WASL: variants seen among roughly 807,000 people sequenced by gnomAD.
The protein encoded by WASL is WASP like actin nucleation promoting factor.
Under a neutral mutation model 55.5 loss-of-function variants are expected in WASL, and 20 were observed. That is an observed-to-expected ratio of 0.36 (90% CI 0.25 to 0.52). WASL has a LOEUF of 0.52. WASL is among the 20% of genes least tolerant of loss of function. WASL has a pLI of 0.92. For synonymous variants in WASL, 249 were observed against 217.6 expected (o/e 1.14, Z -1.27); for missense variants, 504 against 622.5 (o/e 0.81, Z 2.03).
At chr7:123,699,943 G>A (rs541255307) in intron 5 of WASL, among the ~76,000 whole-genome samples, 6 of 152,052 alleles carry the variant, frequency 3.9e-5, no homozygotes, top group South Asian at 4.1e-4. Flanking sequence ...TTGGGAGGCC[G>A]AGACGGGCGG....
At position 123,692,864 on chromosome 7, in the gene WASL, G is replaced by T. The variant is rs1803436647; in HGVS notation, c.830C>A (p.Pro277Gln). The change falls in exon 9 of 11, where the codon CCA becomes CAA. Residue 277 changes from proline (P) to glutamine (Q), a missense_variant. Physicochemically the swap from Pro to Gln is moderately conservative, Grantham distance 76. Around this residue, in one of 5 missense-constraint regions of WASL, gnomAD observed 201 missense variants for 206.2 expected, o/e 0.97. Transcript: ENST00000223023. ...TCCCCTTGATGGTGGTGGAGGTGGT[G>T]GTGCTGAAATGCAAACAGAAAAAAA... ...AVKNELRRQAPPPPPPSRGGP... is the reference protein window; with the variant it reads ...AVKNELRRQAQPPPPPSRGGP... The T allele has an allele frequency of 1.5e-6, 2 of 1,350,320 alleles. No homozygotes were observed. The highest frequency in any genetic ancestry group is 1.9e-6 in the Non-Finnish European group (2 of 1,046,534). 83.6% of individuals were successfully genotyped at this position (1,350,320 alleles called of 1,614,324 possible). A position where few individuals can be genotyped will look rare whatever the true frequency, so the allele number is the denominator to read the frequency against.
In WASL at chr7:123,689,088, T is replaced by C. The variant is rs1404929069; in HGVS notation, c.1410A>G (p.Ala470=). 4 of 1,611,610 alleles carry C rather than the reference T, an allele frequency of 2.5e-6. No individual in the cohort carries two copies. The highest frequency in any genetic ancestry group is 2.2e-5 in the East Asian group (1 of 44,696). The change falls in exon 10 of 11, where the codon GCA becomes GCG. Residue 470 remains alanine (A), a synonymous_variant. Coordinates refer to ENST00000223023, the MANE Select transcript of WASL (RefSeq NM_003941.4). ...TPAPTSGIVG[A]LMEVMQKRSK... is the part of the protein sequence containing the mutation. Reference sequence around the variant, plus strand: ...TCCTTTTCTGCATCACTTCCATTAATGCACCCACAATTCCTGAAGTGGGTG... The same window carrying C: ...TCCTTTTCTGCATCACTTCCATTAACGCACCCACAATTCCTGAAGTGGGTG...
chr7:123,694,437 A>G (rs1049481960), intron 8 of WASL, among the ~76,000 whole-genome samples: 1 of 152,214 alleles, frequency 6.6e-6, no homozygotes, highest in Non-Finnish European at 1.5e-5. Context: ...TTCCTTAAGT[A>G]TAACATTTAG....
At chr7:123,693,644 A>C (rs987467235) in intron 8 of WASL, among the ~76,000 whole-genome samples, 1 of 152,218 alleles carries the variant, frequency 6.6e-6, no homozygotes, top group African/African-American at 2.4e-5. Flanking sequence ...TTCTTATTCC[A>C]CATCAGTGAA....
intron 5 of WASL, among the ~76,000 whole-genome samples, chr7:123,702,874 C>A (rs1803614248): frequency 6.6e-6 from 1 of 152,126 alleles, no homozygotes; most frequent in East Asian, 1.9e-4. Context: ...GTATTTACAA[C>A]CTTAATTTTA....
At position 123,722,745 on chromosome 7, in the gene WASL, C is replaced by A. The variant is rs556700420; in HGVS notation, c.118-13522G>T. Among the ~76,000 whole-genome samples the A allele has an allele frequency of 5.3e-5, 8 of 152,200 alleles. No individual in the cohort carries two copies. The South Asian group carries it at 1.7e-3, about 32-fold the overall frequency. ...GCTTGAACCTGGGAGGCAGAGGTTG[C>A]AGTGAGCCAAGATCGCCACTGCACT... On this transcript the variant is annotated intron_variant, in intron 1 of 10. Transcript: ENST00000223023.
At chr7:123,747,742 C>A (rs1185285767) in intron 1 of WASL, among the ~76,000 whole-genome samples, 1 of 152,158 alleles carries the variant, frequency 6.6e-6, no homozygotes, top group Non-Finnish European at 1.5e-5. Context: ...CACCACAGAG[C>A]AGAACCTCCC....
intron 1 of WASL, among the ~76,000 whole-genome samples, chr7:123,742,350 ATGT>A: frequency 6.6e-6 from 1 of 152,336 alleles, no homozygotes; most frequent in Admixed American, 6.5e-5. Flanking sequence ...TAATTTCAGC[ATGT>A]TGTCCAGTGC....
At chr7:123,733,457 A>G (rs1251292489) in intron 1 of WASL, among the ~76,000 whole-genome samples, 1 of 152,184 alleles carries the variant, frequency 6.6e-6, no homozygotes, top group Non-Finnish European at 1.5e-5. Context: ...TAAGATCTAT[A>G]TGACTACAAA....
chr7:123,726,886 A>C (rs1489755005), intron 1 of WASL, among the ~76,000 whole-genome samples: 4 of 152,016 alleles, frequency 2.6e-5, no homozygotes, highest in Non-Finnish European at 5.9e-5. Flanking sequence ...AATAATAATA[A>C]TTAGGCAAGC....
rs1012382259 is a variant in WASL at position 123,702,052 on chromosome 7, C to T, written c.460+2582G>A. On this transcript the variant is annotated intron_variant, in intron 5 of 10. Coordinates refer to ENST00000223023, the MANE Select transcript of WASL (RefSeq NM_003941.4). ...ATGGCCAACTCATAGAAAGAAACTA[C>T]ATTTAATTCTTTTTTTTTTGAGACG... Among the ~76,000 whole-genome samples the T allele has an allele frequency of 5.3e-5, 8 of 151,812 alleles. No homozygotes were observed. The South Asian group carries it at 8.3e-4, about 16-fold the overall frequency.
At chr7:123,723,776 T>C (rs1457687233) in intron 1 of WASL, among the ~76,000 whole-genome samples, 2 of 152,230 alleles carry the variant, frequency 1.3e-5, no homozygotes. Flanking sequence ...CTTCCTGCTG[T>C]TCCTGAAACT....
intron 5 of WASL, among the ~76,000 whole-genome samples, chr7:123,697,282 C>T (rs1011173296): frequency 6.6e-6 from 1 of 152,034 alleles, no homozygotes; most frequent in Admixed American, 6.6e-5. Flanking sequence ...CCCACCAGTA[C>T]GCATACACCT....
chr7:123,705,108 T>G (rs1305966316), intron 4 of WASL, among the ~76,000 whole-genome samples: 4 of 152,100 alleles, frequency 2.6e-5, no homozygotes, highest in Admixed American at 1.3e-4. Flanking sequence ...AAGGATTGAG[T>G]AGCAGCAGGA....
chr7:123,692,154 T>C (rs1431219541), intron 9 of WASL, among the ~76,000 whole-genome samples, 193 bp downstream of exon 9: 2 of 152,192 alleles, frequency 1.3e-5, no homozygotes, highest in Non-Finnish European at 2.9e-5. Flanking sequence ...TACATGGCTA[T>C]AGAGATGTAT....
intron 1 of WASL, 105 bp downstream of exon 1, chr7:123,748,513 T>C (rs1311763772): frequency 1.6e-6 from 2 of 1,243,684 alleles, no homozygotes; most frequent in South Asian, 1.3e-5. Context: ...GCGGGAGGCC[T>C]GGCCCGCGCC....
At chr7:123,734,521 T>C (rs1269858251) in intron 1 of WASL, among the ~76,000 whole-genome samples, 1 of 148,034 alleles carries the variant, frequency 6.8e-6, no homozygotes, top group Non-Finnish European at 1.5e-5. Flanking sequence ...AGGGAGCCAG[T>C]CTATAAAGGC....
At chr7:123,694,473 T>C (rs763143356) in intron 8 of WASL, among the ~76,000 whole-genome samples, 1 of 152,172 alleles carries the variant, frequency 6.6e-6, no homozygotes, top group Non-Finnish European at 1.5e-5. Context: ...TACTTTAAAA[T>C]AGAATAGCTG....
At chr7:123,733,735 T>G (rs886667780) in intron 1 of WASL, among the ~76,000 whole-genome samples, 1 of 152,042 alleles carries the variant, frequency 6.6e-6, no homozygotes, top group African/African-American at 2.4e-5. Context: ...AAAGCTGCAG[T>G]AATCAGGCAG....
Sources: gnomAD v4.1 joint callset for allele counts (sites outside exome capture counted in the v4.1 genomes callset) on GRCh38, gnomAD v4.1.1 for gene constraint, gnomAD v4.1.1 regional missense constraint, MANE v1.5 for transcripts, NCBI Gene and HGNC (gene_info 2026-07-23, HGNC 2026-07-21) for gene names.